Variants in DUSP16 observed in about 807,000 individuals in gnomAD.
DUSP16 encodes the protein dual specificity protein phosphatase 16.
DUSP16 carries 21 observed loss-of-function variants against 58.3 expected under a neutral mutation model. The observed-to-expected ratio is 0.36, with a 90% CI of 0.26 to 0.52. The LOEUF (loss-of-function observed/expected upper bound fraction) is 0.52. DUSP16 is among the 20% of genes least tolerant of loss of function. The probability of loss-of-function intolerance (pLI) is 0.94; values close to 1 mark genes in which losing one functional copy is unlikely to be tolerated. For missense variants in DUSP16, 726 were observed against 819.0 expected, an observed-to-expected ratio of 0.89 and a Z score of 1.39; for synonymous variants, 320 against 323.8, an observed-to-expected ratio of 0.99 and a Z score of 0.12.
intron 1 of DUSP16, among the ~76,000 whole-genome samples, chr12:12,550,253 A>G (rs1944705716): frequency 6.7e-6 from 1 of 149,656 alleles, no homozygotes; most frequent in African/African-American, 2.5e-5. Context: ...AGCCTGGGTG[A>G]CAGAGTGAGA....
chr12:12,496,171 A>G (rs1943825306), intron 4 of DUSP16, among the ~76,000 whole-genome samples: 1 of 152,218 alleles, frequency 6.6e-6, no homozygotes, highest in African/African-American at 2.4e-5. Flanking sequence ...TTGTTGTTTA[A>G]TGAATAGGTC....
chr12:12,555,725 C>G (rs1944796548), intron 1 of DUSP16, among the ~76,000 whole-genome samples: 1 of 152,112 alleles, frequency 6.6e-6, no homozygotes, highest in Non-Finnish European at 1.5e-5. Context: ...ACCACAGACC[C>G]ACAGCATTTA....
At chr12:12,545,649 A>G (rs1220043861) in intron 1 of DUSP16, among the ~76,000 whole-genome samples, 2 of 152,160 alleles carry the variant, frequency 1.3e-5, no homozygotes, top group Non-Finnish European at 2.9e-5. Flanking sequence ...TTTGGTGTAC[A>G]GTTCTATGAG....
intron 3 of DUSP16, among the ~76,000 whole-genome samples, chr12:12,512,981 G>A (rs1944100035): frequency 6.6e-6 from 1 of 152,130 alleles, no homozygotes; most frequent in South Asian, 2.1e-4. Context: ...CCATGAGGAA[G>A]GACAGTAATC....
Position 12,475,220 on chromosome 12 carries a change from C to T in DUSP16, c.*1613G>A, listed in dbSNP as rs1430117080. On this transcript the variant is annotated 3_prime_UTR_variant, in exon 7 of 7. Coordinates refer to ENST00000298573, the MANE Select transcript of DUSP16 (RefSeq NM_030640.3). ...ACAGGAAGGGAAAGAACAATGACAA[C>T]ACCCGCCCAGCCCCACCCCCAAAAA... The T allele has an allele frequency of 1.3e-5, 2 of 152,170 alleles. No homozygotes were observed. The highest frequency in any genetic ancestry group is 2.9e-5 in the Non-Finnish European group (2 of 68,056). 9.4% of individuals were successfully genotyped at this position (152,170 alleles called of 1,614,324 possible).
chr12:12,476,887 T>C lies in DUSP16; in HGVS notation c.1944A>G (p.Lys648=). 2 of 1,613,238 alleles carry C rather than the reference T, an allele frequency of 1.2e-6. No individual in the cohort carries two copies. Among genetic ancestry groups the C allele is most frequent in the Middle Eastern group, 1.6e-4 (1 of 6,062 alleles). Residue 648 remains lysine (K), a synonymous_variant, in exon 7 of 7, where the codon AAA becomes AAG. Coordinates refer to ENST00000298573, the MANE Select transcript of DUSP16 (RefSeq NM_030640.3). ...CCGAAAAGCTAGACTGACTGCCCAC[T>C]TTCCCCAGCTCTTCCCGTGACCTGT... ...SENRSREELG[K]VGSQSSFSGS...
In DUSP16 at chr12:12,473,351, G is replaced by A. The variant is rs970589135; in HGVS notation, c.*3482C>T. ...CTCCAACAATAGCCTGCTGAGGCTG[G>A]TCATGAAGGGGCTCCGAGCACTGTC... On this transcript the variant is annotated 3_prime_UTR_variant, in exon 7 of 7. Coordinates refer to ENST00000298573, the MANE Select transcript of DUSP16 (RefSeq NM_030640.3). Among the ~76,000 whole-genome samples, 2 of 152,146 alleles carry A rather than the reference G, an allele frequency of 1.3e-5. No individual in the cohort carries two copies. Among genetic ancestry groups the A allele is most frequent in the African/African-American group, 4.8e-5 (2 of 41,420 alleles).
At position 12,521,290 on chromosome 12, in the gene DUSP16, G is replaced by C; in HGVS notation, c.-192C>G. The C allele has an allele frequency of 4.9e-6, 7 of 1,430,760 alleles. No homozygotes were observed. In the South Asian group the frequency reaches 9.0e-5, roughly 18 times the overall value. 88.6% of individuals were successfully genotyped at this position (1,430,760 alleles called of 1,614,324 possible). A position where few individuals can be genotyped will look rare whatever the true frequency, so the allele number is the denominator to read the frequency against. On this transcript the variant is annotated 5_prime_UTR_variant, in exon 2 of 7. Coordinates refer to ENST00000298573, the MANE Select transcript of DUSP16 (RefSeq NM_030640.3). ...AAGTGAATGTCTCTTTCTCTTTCCC[G>C]TTGATGTGCTCTTGCAAAGGACTCC...
At chr12:12,483,055 T>G (rs942141679) in intron 5 of DUSP16, among the ~76,000 whole-genome samples, 1 of 152,180 alleles carries the variant, frequency 6.6e-6, no homozygotes, top group Non-Finnish European at 1.5e-5. Flanking sequence ...TCTTCAGGTT[T>G]CTGAATAAAG....
intron 1 of DUSP16, among the ~76,000 whole-genome samples, chr12:12,523,844 C>T (rs557354082): frequency 6.6e-6 from 1 of 152,264 alleles, no homozygotes; most frequent in East Asian, 1.9e-4. Context: ...AGTACTTGTT[C>T]CCATAATGGA....
In DUSP16 at chr12:12,520,890, T is replaced by A. The variant is rs1333966385; in HGVS notation, c.209A>T (p.Gln70Leu). ...QDKVLITELIQHSAKHKVDID... is the reference protein window; with the variant it reads ...QDKVLITELILHSAKHKVDID... ...GTTTACCTTATGTTTCGCTGAATGC[T>A]GGATGAGCTCTGTAATTAACACTTT... is the stretch of plus-strand genomic sequence containing the variant. The change falls in exon 2 of 7, where the codon CAG becomes CTG. Residue 70 changes from glutamine to leucine, a missense_variant. By Grantham distance (113) the Gln-to-Leu change is moderately radical. Transcript: ENST00000298573. The A allele has an allele frequency of 2.5e-6, 4 of 1,614,126 alleles. No individual in the cohort carries two copies. In the African/African-American group the frequency reaches 5.3e-5, roughly 22 times the overall value.
intron 1 of DUSP16, chr12:12,554,700 T>C (rs1944783489): frequency 6.6e-6 from 1 of 152,206 alleles, no homozygotes; most frequent in African/African-American, 2.4e-5. Flanking sequence ...CATGAAAATA[T>C]TTTAACATAA....
chr12:12,488,127 T>C (rs1211408749), intron 4 of DUSP16, among the ~76,000 whole-genome samples: 1 of 152,164 alleles, frequency 6.6e-6, no homozygotes, highest in Non-Finnish European at 1.5e-5. Context: ...TTTCATTTCC[T>C]TGAGTCTCAT....
chr12:12,537,078 G>C (rs962037437), intron 1 of DUSP16, among the ~76,000 whole-genome samples: 8 of 152,128 alleles, frequency 5.3e-5, no homozygotes, highest in African/African-American at 1.9e-4. Flanking sequence ...CTGAAAAATA[G>C]GTAGACTCTG....
intron 1 of DUSP16, among the ~76,000 whole-genome samples, chr12:12,560,230 T>C (rs1008497292): frequency 9.2e-5 from 14 of 151,786 alleles, no homozygotes; most frequent in African/African-American, 3.4e-4. Context: ...CAGAGGTTAA[T>C]ACTAAAAAAG....
At chr12:12,556,795 T>C (rs1266094270) in intron 1 of DUSP16, among the ~76,000 whole-genome samples, 2 of 152,220 alleles carry the variant, frequency 1.3e-5, no homozygotes, top group Non-Finnish European at 2.9e-5. Context: ...TTTTGGAACA[T>C]CTTTGCTTCA....
chr12:12,551,881 A>G (rs1392178436), intron 1 of DUSP16, among the ~76,000 whole-genome samples: 3 of 151,950 alleles, frequency 2.0e-5, no homozygotes, highest in African/African-American at 7.3e-5. Context: ...TTTAGTAGAG[A>G]CGGGGTTTCA....
intron 1 of DUSP16, among the ~76,000 whole-genome samples, chr12:12,558,672 G>A (rs886119859): frequency 6.6e-6 from 1 of 152,074 alleles, no homozygotes; most frequent in Non-Finnish European, 1.5e-5. Flanking sequence ...GAGCCACCAC[G>A]CCTGGCCTAC....
intron 1 of DUSP16, among the ~76,000 whole-genome samples, chr12:12,528,133 C>T (rs78862802): frequency 2.6e-4 from 39 of 152,288 alleles, no homozygotes; most frequent in African/African-American, 8.9e-4. Flanking sequence ...CCCGCTTCCC[C>T]TTCCCTGACC....
Sources: gnomAD v4.1 joint callset for allele counts (sites outside exome capture counted in the v4.1 genomes callset) on GRCh38, gnomAD v4.1.1 for gene constraint, MANE v1.5 for transcripts, NCBI Gene and HGNC (gene_info 2026-07-23, HGNC 2026-07-21) for gene names.